The following KIF13B variants were observed in gnomAD, a reference collection of about 807,000 sequenced individuals.
KIF13B encodes the protein kinesin family member 13B, also known as kinesin-like protein KIF13B.
KIF13B carries 127 observed loss-of-function variants against 222.0 expected under a neutral mutation model. The ratio of observed to expected loss-of-function variants is 0.57; its 90% CI spans 0.50 to 0.66. The LOEUF (loss-of-function observed/expected upper bound fraction) is 0.66. KIF13B is among the 30% of genes least tolerant of loss of function. The probability of loss-of-function intolerance (pLI) is 0.00; values close to 1 mark genes in which losing one functional copy is unlikely to be tolerated. For missense variants in KIF13B, 2,173 were observed against 2,379.0 expected (o/e 0.91, Z 1.80); for synonymous variants, 976 against 919.0 (o/e 1.06, Z -1.12).
chr8:29,216,129 C>T (rs947978553), intron 2 of KIF13B, among the ~76,000 whole-genome samples: 1 of 152,098 alleles, frequency 6.6e-6, no homozygotes, highest in African/African-American at 2.4e-5. Context: ...ATAATAGAGG[C>T]TACCTTTTTT....
In KIF13B at chr8:29,104,501, T is replaced by C. The variant is rs564143197; in HGVS notation, c.4215+3638A>G. On this transcript the variant is annotated intron_variant, in intron 35 of 39. Coordinates refer to ENST00000524189, the MANE Select transcript of KIF13B (RefSeq NM_015254.4). The stretch of plus-strand genomic sequence containing the variant: ...CCCCACGTTTGCATTGATAACTGCA[T>C]ACATTTGTACCATATAGTTTCCTAA... Among the ~76,000 whole-genome samples, 66 of 152,346 alleles carry C rather than the reference T, an allele frequency of 4.3e-4. 2 individuals carry two copies. Among genetic ancestry groups the C allele is most frequent in the African/African-American group, 1.4e-3 (59 of 41,582 alleles).
In KIF13B at chr8:29,140,107, C is replaced by T. The variant is rs773265419; in HGVS notation, c.2569G>A (p.Val857Ile). 4 of 1,610,456 alleles carry T rather than the reference C, an allele frequency of 2.5e-6. No homozygotes were observed. In the Admixed American group the frequency reaches 5.0e-5, roughly 20 times the overall value. The change falls in exon 21 of 40, where the codon GTC becomes ATC. Residue 857 changes from valine (V) to isoleucine (I), a missense_variant. Val to Ile is a conservative substitution (Grantham distance 29). Around this residue, in one of 2 missense-constraint regions of KIF13B, gnomAD observed 1,480 missense variants for 1,722.8 expected, o/e 0.86. Transcript: ENST00000524189. ...TCCTGGGTCTCCTTCTCAAAGGAGA[C>T]CTCTGCCACCTCATCGCCTCCTGCG... ...RIAGGDEVAEVSFEKETQENK... is the reference protein window; with the variant it reads ...RIAGGDEVAEISFEKETQENK...
intron 30 of KIF13B, among the ~76,000 whole-genome samples, chr8:29,117,808 A>C (rs1019646541): frequency 1.3e-5 from 2 of 152,258 alleles, no homozygotes; most frequent in South Asian, 4.1e-4. Flanking sequence ...CATCACTCAG[A>C]TTCAACCATG....
intron 30 of KIF13B, among the ~76,000 whole-genome samples, chr8:29,118,014 C>T (rs562163045): frequency 9.7e-4 from 146 of 150,544 alleles, no homozygotes; most frequent in African/African-American, 3.3e-3. Context: ...AAAAATTAGC[C>T]AGGTGTGATG....
chr8:29,142,995 G>T lies in KIF13B; in HGVS notation c.2188-692C>A, dbSNP rs188498688. On this transcript the variant is annotated intron_variant, in intron 18 of 39. Transcript: ENST00000524189. The stretch of plus-strand genomic sequence containing the variant: ...AGCCTCCCAAGTAGTTAGGACCACA[G>T]GTGCATGCCAATACACCCAGCTAAT... Among the ~76,000 whole-genome samples, 1,068 of 152,170 alleles carry T rather than the reference G, an allele frequency of 7.0e-3. 10 individuals are homozygous for T. The highest frequency in any genetic ancestry group is 0.025 in the African/African-American group (1,035 of 41,536).
chr8:29,081,633 T>C (rs969948921), intron 37 of KIF13B, among the ~76,000 whole-genome samples: 1 of 152,226 alleles, frequency 6.6e-6, no homozygotes, highest in East Asian at 1.9e-4. Context: ...ACAGTTGATA[T>C]GACAGTATTT....
chr8:29,073,318 G>T (rs908811280), intron 38 of KIF13B, among the ~76,000 whole-genome samples: 2 of 152,178 alleles, frequency 1.3e-5, no homozygotes, highest in Non-Finnish European at 2.9e-5. Flanking sequence ...AAGCCACCAA[G>T]TGAGGCCAGC....
chr8:29,175,815 G>A (rs901400203), intron 10 of KIF13B, among the ~76,000 whole-genome samples: 4 of 152,226 alleles, frequency 2.6e-5, no homozygotes, highest in African/African-American at 7.2e-5. Flanking sequence ...TAAATCTCCA[G>A]AAGCAATCGT....
chr8:29,158,861 A>G (rs1811648160), intron 13 of KIF13B, among the ~76,000 whole-genome samples: 1 of 152,236 alleles, frequency 6.6e-6, no homozygotes, highest in Non-Finnish European at 1.5e-5. Context: ...AAACATCTTT[A>G]AACAGCTTCT....
chr8:29,111,713 G>C (rs959650192), intron 32 of KIF13B, among the ~76,000 whole-genome samples: 3 of 152,200 alleles, frequency 2.0e-5, no homozygotes, highest in African/African-American at 7.2e-5. Flanking sequence ...GAAATGGAGA[G>C]AGAAAAGGAA....
At chr8:29,254,931 C>T (rs1816420853) in intron 1 of KIF13B, among the ~76,000 whole-genome samples, 1 of 152,162 alleles carries the variant, frequency 6.6e-6, no homozygotes, top group Admixed American at 6.5e-5. Context: ...CACAGCATAT[C>T]TGTGTAACAG....
At position 29,112,570 on chromosome 8, in the gene KIF13B, A is replaced by G. The variant is rs73224658; in HGVS notation, c.3930+893T>C. On this transcript the variant is annotated intron_variant, in intron 32 of 39. Coordinates refer to ENST00000524189, the MANE Select transcript of KIF13B (RefSeq NM_015254.4). ...CTGGTGCTGGTGTTGATGGCATGGT[A>G]TGAGGGGCGTCTTCTGATGTCTCAC... Among the ~76,000 whole-genome samples the G allele has an allele frequency of 9.9e-3, 1,508 of 152,254 alleles. 18 individuals are homozygous for G. The highest frequency in any genetic ancestry group is 0.013 in the Non-Finnish European group (893 of 68,026).
chr8:29,183,732 C>T (rs1812813768), intron 6 of KIF13B, among the ~76,000 whole-genome samples: 2 of 152,296 alleles, frequency 1.3e-5, no homozygotes, highest in South Asian at 4.1e-4. Context: ...ACAGACTTCA[C>T]TAACAAAGTG....
intron 2 of KIF13B, among the ~76,000 whole-genome samples, chr8:29,202,493 C>A (rs1438725205): frequency 1.3e-5 from 2 of 152,088 alleles, no homozygotes; most frequent in African/African-American, 4.8e-5. Context: ...AATTTTTGTA[C>A]TTTTAGTAGA....
At chr8:29,133,505 C>T (rs753503999) in intron 22 of KIF13B, among the ~76,000 whole-genome samples, 4 of 152,150 alleles carry the variant, frequency 2.6e-5, no homozygotes, top group Admixed American at 6.5e-5. Context: ...GCAGGAGAAT[C>T]GCTTGAACCC....
intron 2 of KIF13B, among the ~76,000 whole-genome samples, chr8:29,223,311 G>A (rs537319755): frequency 5.9e-5 from 8 of 135,802 alleles, no homozygotes; most frequent in Middle Eastern, 4.6e-3. Context: ...ACTCCAGCCT[G>A]AGTGAGAGAG....
At chr8:29,206,456 G>A (rs1813945566) in intron 2 of KIF13B, among the ~76,000 whole-genome samples, 1 of 151,958 alleles carries the variant, frequency 6.6e-6, no homozygotes, top group East Asian at 1.9e-4. Flanking sequence ...ACTGCTTAGC[G>A]AAGATTTCCT....
Position 29,071,801 on chromosome 8 carries a change from G to T in KIF13B, c.5037C>A (p.Ala1679=). The T allele has an allele frequency of 6.5e-7, 1 of 1,545,918 alleles. No homozygotes were observed. Reference sequence around the variant, plus strand: ...CCAGGGCCTGTCCCCCGGCGCCCGGGGCCGGCGCATTCCCCTCGGCCCCCG... The same window carrying T: ...CCAGGGCCTGTCCCCCGGCGCCCGGTGCCGGCGCATTCCCCTCGGCCCCCG... The part of the protein sequence containing the change: ...CSPGAEGNAP[A]PGAGGQALAS... Residue 1679 remains alanine, a synonymous_variant, in exon 39 of 40, where the codon GCC becomes GCA. Coordinates refer to ENST00000524189, the MANE Select transcript of KIF13B (RefSeq NM_015254.4). The surrounding 1 kb of genome is among the most constrained non-coding windows in gnomAD (Gnocchi z 4.9).
intron 2 of KIF13B, among the ~76,000 whole-genome samples, chr8:29,215,198 G>A (rs1814417906): frequency 6.6e-6 from 1 of 152,050 alleles, no homozygotes; most frequent in African/African-American, 2.4e-5. Context: ...TCCAAGTAGA[G>A]TGAGTGGTAT....
Sources: gnomAD v4.1 joint callset for allele counts (sites outside exome capture counted in the v4.1 genomes callset) on GRCh38, gnomAD v4.1.1 for gene constraint, gnomAD v4.1.1 regional missense constraint, Gnocchi (gnomAD v3.1) non-coding constraint, MANE v1.5 for transcripts, NCBI Gene and HGNC (gene_info 2026-07-23, HGNC 2026-07-21) for gene names.